The following FYTTD1 variants were observed in gnomAD, a reference collection of about 807,000 sequenced individuals.
FYTTD1 encodes forty-two-three domain containing 1.
Under a neutral mutation model 40.9 loss-of-function variants are expected in FYTTD1, and 22 were observed. The observed-to-expected ratio is 0.54, with a 90% CI of 0.38 to 0.77. FYTTD1 has a LOEUF of 0.77. Among genes scored for constraint, FYTTD1 ranks in the 30% least tolerant of loss-of-function variants. The probability of loss-of-function intolerance (pLI) is 0.00; values close to 1 mark genes in which losing one functional copy is unlikely to be tolerated. For missense variants in FYTTD1, 351 were observed against 392.2 expected, an observed-to-expected ratio of 0.90 and a Z score of 0.89; for synonymous variants, 140 against 137.9, an observed-to-expected ratio of 1.01 and a Z score of -0.10.
intron 2 of FYTTD1, among the ~76,000 whole-genome samples, chr3:197,757,102 C>T (rs1334982917): frequency 6.6e-6 from 1 of 152,206 alleles, no homozygotes; most frequent in Non-Finnish European, 1.5e-5. Flanking sequence ...CCTCCAGACT[C>T]CTTATCTTAT....
intron 2 of FYTTD1, among the ~76,000 whole-genome samples, chr3:197,764,722 AAAGC>A (rs1213220483): frequency 2.0e-5 from 3 of 151,718 alleles, no homozygotes; most frequent in Non-Finnish European, 4.4e-5. Flanking sequence ...AAAAAAAAAA[AAAGC>A]AGAGGAGGCA....
intron 2 of FYTTD1, among the ~76,000 whole-genome samples, chr3:197,761,339 A>G (rs1342672216): frequency 0.052 from 7,324 of 141,014 alleles, no homozygotes; most frequent in African/African-American, 0.15. Context: ...AGTGTATAGC[A>G]TGTTCTTCAG....
chr3:197,781,950 G>C lies in FYTTD1; in HGVS notation c.*41G>C. 5 of 1,265,288 alleles carry C rather than the reference G, an allele frequency of 4.0e-6. No homozygotes were observed. Among genetic ancestry groups the C allele is most frequent in the Non-Finnish European group, 5.6e-6 (5 of 899,626 alleles). 78.4% of individuals were successfully genotyped at this position (1,265,288 alleles called of 1,614,324 possible). On this transcript the variant is annotated 3_prime_UTR_variant, in exon 9 of 9. Coordinates refer to ENST00000241502, the MANE Select transcript of FYTTD1 (RefSeq NM_032288.7). Reference sequence around the variant, plus strand: ...AACTTTTGAGTGATGACTCTGAGAAGTTGAATTGCTTGAAGAGTTCATCAC... The same window carrying C: ...AACTTTTGAGTGATGACTCTGAGAACTTGAATTGCTTGAAGAGTTCATCAC...
intron 2 of FYTTD1, among the ~76,000 whole-genome samples, chr3:197,767,979 GCACATATGAA>G (rs1172054463): frequency 6.6e-6 from 1 of 152,132 alleles, no homozygotes; most frequent in Admixed American, 6.6e-5. Flanking sequence ...TAAAGATTGA[GCACATATGAA>G]TATATTTTAC....
intron 4 of FYTTD1, among the ~76,000 whole-genome samples, chr3:197,771,514 C>T (rs1369552579): frequency 4.6e-5 from 7 of 151,984 alleles, no homozygotes; most frequent in Non-Finnish European, 8.8e-5. Flanking sequence ...CGGTGGCTCA[C>T]GCCTGTAATC....
intron 2 of FYTTD1, among the ~76,000 whole-genome samples, chr3:197,756,832 T>A (rs1729228520): frequency 6.6e-6 from 1 of 152,184 alleles, no homozygotes; most frequent in Admixed American, 6.5e-5. Context: ...TTGCAAAGGA[T>A]CTTATATATC....
chr3:197,773,357 G>A (rs376229365), intron 4 of FYTTD1, 46 bp from the exon 5 acceptor site: 2 of 1,153,688 alleles, frequency 1.7e-6, no homozygotes, highest in Non-Finnish European at 2.5e-6. Context: ...CAAGATGTTT[G>A]AAAGTAGTTA....
intron 1 of FYTTD1, among the ~76,000 whole-genome samples, chr3:197,754,275 C>G (rs538386762): frequency 6.6e-6 from 1 of 152,144 alleles, no homozygotes; most frequent in East Asian, 1.9e-4. Flanking sequence ...TGATGTTGAC[C>G]TTTTAATTTT....
rs922741781 is a variant in FYTTD1 at position 197,785,780 on chromosome 3, A to G, written c.*3871A>G. 2.6e-5 allele frequency: 4 copies of G among 152,298 alleles called. No individual in the cohort carries two copies. In the South Asian group the frequency reaches 6.2e-4, roughly 24 times the overall value. The allele number at this position is 152,298 out of a possible 1,614,324, so 9.4% of individuals were successfully genotyped here. On this transcript the variant is annotated 3_prime_UTR_variant, in exon 9 of 9. Coordinates refer to ENST00000241502, the MANE Select transcript of FYTTD1 (RefSeq NM_032288.7). Reference sequence around the variant, plus strand: ...AAATGAATACCATATTGGCAATATTAAAGCAGAAAATAATTCATTTCTGAT... The same window carrying G: ...AAATGAATACCATATTGGCAATATTGAAGCAGAAAATAATTCATTTCTGAT...
chr3:197,761,506 TG>T (rs1238609058), intron 2 of FYTTD1, among the ~76,000 whole-genome samples: 1 of 152,134 alleles, frequency 6.6e-6, no homozygotes, highest in Non-Finnish European at 1.5e-5. Flanking sequence ...TGTATAGAAT[TG>T]TTCTTCAGTG....
chr3:197,781,640 T>A (rs1274426889), intron 8 of FYTTD1, among the ~76,000 whole-genome samples, 171 bp from the exon 9 acceptor site: 2 of 152,190 alleles, frequency 1.3e-5, no homozygotes, highest in Non-Finnish European at 2.9e-5. Flanking sequence ...TTTTATATAG[T>A]ATATAATGTA....
rs755767763 is a variant in FYTTD1 at position 197,768,436 on chromosome 3, T to A, written c.236-3T>A. 3 of 1,597,572 alleles carry A rather than the reference T, an allele frequency of 1.9e-6. No homozygotes were observed. Among genetic ancestry groups the A allele is most frequent in the Non-Finnish European group, 2.6e-6 (3 of 1,170,024 alleles). On this transcript the variant is annotated splice_region_variant and splice_polypyrimidine_tract_variant and intron_variant, in intron 2 of 8. Coordinates refer to ENST00000241502, the MANE Select transcript of FYTTD1 (RefSeq NM_032288.7). ...ATTTTCTTCTGTTTTTGCCCTCCTA[T>A]AGGTTTTGGTAAGACTAGTCTGAAT...
chr3:197,773,934 C>T (rs1378321726), intron 5 of FYTTD1, among the ~76,000 whole-genome samples: 2 of 150,536 alleles, frequency 1.3e-5, no homozygotes, highest in South Asian at 2.1e-4. Flanking sequence ...CTCACGCACA[C>T]GCCCCACTGG....
At position 197,770,194 on chromosome 3, in the gene FYTTD1, G is replaced by A. The variant is rs1287792189; in HGVS notation, c.447G>A (p.Gly149=). 1 of 1,612,878 alleles carries A rather than the reference G, an allele frequency of 6.2e-7. No individual in the cohort carries two copies. The highest frequency in any genetic ancestry group is 8.5e-7 in the Non-Finnish European group (1 of 1,179,252). The change falls in exon 4 of 9, where the codon GGG becomes GGA. Residue 149 remains glycine, a synonymous_variant. Coordinates refer to ENST00000241502, the MANE Select transcript of FYTTD1 (RefSeq NM_032288.7). ...RKANLLRQNE[G]QRKPVAVLKR... ...CAAACCTTCTGAGACAAAATGAAGG[G>A]CAGAGGAAACCAGTAGCAGTTCTCA...
rs1730113113 is a variant in FYTTD1, at chr3:197,784,618, T to A, written c.*2709T>A. On this transcript the variant is annotated 3_prime_UTR_variant, in exon 9 of 9. Transcript: ENST00000241502. The stretch of plus-strand genomic sequence containing the variant: ...ACCAGCCTGGCTAACATAGGGAGAC[T>A]CTATCTTTACTAAAAATACAGACAT... The A allele has an allele frequency of 6.6e-6, 1 of 152,096 alleles. No individual in the cohort carries two copies. The highest frequency in any genetic ancestry group is 1.5e-5 in the Non-Finnish European group (1 of 68,004). 9.4% of individuals were successfully genotyped at this position (152,096 alleles called of 1,614,324 possible). A position where few individuals can be genotyped will look rare whatever the true frequency, so the allele number is the denominator to read the frequency against.
intron 4 of FYTTD1, among the ~76,000 whole-genome samples, chr3:197,773,023 A>G (rs1180297233): frequency 6.6e-6 from 1 of 152,146 alleles, no homozygotes; most frequent in Non-Finnish European, 1.5e-5. Context: ...AGTTTATTTT[A>G]CGTCTTCAGT....
intron 1 of FYTTD1, among the ~76,000 whole-genome samples, chr3:197,754,315 T>G (rs916145807): frequency 6.6e-6 from 1 of 152,190 alleles, no homozygotes; most frequent in Non-Finnish European, 1.5e-5. Context: ...CCCTTAACTT[T>G]GATGAACTTT....
At chr3:197,755,611 A>ATTTATTTATTT (rs1560492096) in intron 1 of FYTTD1, 8 of 201,108 alleles carry the variant, frequency 4.0e-5, no homozygotes, top group African/African-American at 5.1e-5. Flanking sequence ...ATACCCGGCT[A>ATTTATTTATTT]ATTTATTTAT....
At chr3:197,759,560 G>T (rs1729310298) in intron 2 of FYTTD1, among the ~76,000 whole-genome samples, 1 of 151,508 alleles carries the variant, frequency 6.6e-6, no homozygotes, top group Non-Finnish European at 1.5e-5. Context: ...GTGGTAGAAC[G>T]TATAGAGTGT....
Sources: gnomAD v4.1 joint callset for allele counts (sites outside exome capture counted in the v4.1 genomes callset) on GRCh38, gnomAD v4.1.1 for gene constraint, MANE v1.5 for transcripts, NCBI Gene and HGNC (gene_info 2026-07-23, HGNC 2026-07-21) for gene names.